The following ZNF778 variants were observed in gnomAD, a reference collection of about 807,000 sequenced individuals.
The protein encoded by ZNF778 is zinc finger protein 778.
In ZNF778, 37 loss-of-function variants were observed where a neutral mutation model predicts 23.9. The observed-to-expected ratio is 1.54, with a 90% CI of 1.19 to 2.03. ZNF778 has a LOEUF of 2.03. ZNF778 is among the 30% of genes most tolerant of loss of function. The pLI, the probability that ZNF778 is intolerant of heterozygous loss-of-function variation, is 0.00. For synonymous variants in ZNF778, 483 were observed against 343.9 expected (o/e 1.40, Z -4.48); for missense variants, 1,297 against 934.4 (o/e 1.39, Z -5.06).
Position 89,225,541 on chromosome 16 carries a change from TTC to T in ZNF778, c.329-12_329-11del. Reference sequence around the variant, plus strand: ...GAGTTTGATCGTTTTTAGGTCATTCTTCTTTCTTTTCAGAATGGCGACTTAAA... The same window carrying T: ...GAGTTTGATCGTTTTTAGGTCATTCTTTTCTTTTCAGAATGGCGACTTAAA... On this transcript the variant is annotated splice_polypyrimidine_tract_variant and intron_variant, in intron 5 of 6. Transcript: ENST00000433976. 6.2e-7 allele frequency: 1 copy of T among 1,604,182 alleles called. No homozygotes were observed. The highest frequency in any genetic ancestry group is 8.5e-7 in the Non-Finnish European group (1 of 1,174,158).
At chr16:89,221,756 C>G (rs1597347491) in intron 2 of ZNF778, among the ~76,000 whole-genome samples, 1 of 140,940 alleles carries the variant, frequency 7.1e-6, no homozygotes, top group South Asian at 2.3e-4. Flanking sequence ...TGCAAGAGTA[C>G]ATGGGAATTC....
Position 89,227,887 on chromosome 16 carries a change from T to C in ZNF778, c.1599T>C (p.Tyr533=). 1 of 1,613,932 alleles carries C rather than the reference T, an allele frequency of 6.2e-7. No homozygotes were observed. Among genetic ancestry groups the C allele is most frequent in the Non-Finnish European group, 8.5e-7 (1 of 1,179,946 alleles). ...GGACACACACCGGGGAGAAGCCCTATGAATGTAAGGACTGTGGGAAAGCCT... is the reference window on the plus strand; with the variant it reads ...GGACACACACCGGGGAGAAGCCCTACGAATGTAAGGACTGTGGGAAAGCCT... ...HMRTHTGEKP[Y]ECKDCGKAYN... is the part of the protein sequence containing the mutation. Residue 533 remains tyrosine (Y), a synonymous_variant, in exon 7 of 7, where the codon TAT becomes TAC. Transcript: ENST00000433976.
chr16:89,217,762 C>G lies in ZNF778; in HGVS notation c.-280C>G, dbSNP rs938336697. 1 of 152,230 alleles carries G rather than the reference C, an allele frequency of 6.6e-6. No individual in the cohort carries two copies. Among genetic ancestry groups the G allele is most frequent in the African/African-American group, 2.4e-5 (1 of 41,466 alleles). 9.4% of individuals were successfully genotyped at this position (152,230 alleles called of 1,614,324 possible). A position where few individuals can be genotyped will look rare whatever the true frequency, so the allele number is the denominator to read the frequency against. On this transcript the variant is annotated 5_prime_UTR_variant, in exon 1 of 7. Coordinates refer to ENST00000433976, the MANE Select transcript of ZNF778 (RefSeq NM_001201407.2). Reference sequence around the variant, plus strand: ...CGTGCTGGCGCCGGAGAGTTCCGCGCGTGTCCTCGGGCTGTCCGCGGGGAA... The same window carrying G: ...CGTGCTGGCGCCGGAGAGTTCCGCGGGTGTCCTCGGGCTGTCCGCGGGGAA...
rs1162550893 is a variant in ZNF778 at position 89,227,514 on chromosome 16, A to G, written c.1226A>G (p.Asn409Ser). Residue 409 changes from asparagine (N) to serine (S), a missense_variant, in exon 7 of 7, where the codon AAT becomes AGT. Physicochemically the swap from Asn to Ser is conservative, Grantham distance 46 (BLOSUM62 1). Transcript: ENST00000433976. ...TATTTTAGAAATTCCTCATGCCTTAATAATCATGTTCGAATTCACACTGGA... is the reference window on the plus strand; with the variant it reads ...TATTTTAGAAATTCCTCATGCCTTAGTAATCATGTTCGAATTCACACTGGA... ...GKYFRNSSCLNNHVRIHTGIK... is the reference protein window; with the variant it reads ...GKYFRNSSCLSNHVRIHTGIK... The G allele has an allele frequency of 6.2e-7, 1 of 1,613,892 alleles. No homozygotes were observed. The highest frequency in any genetic ancestry group is 1.3e-5 in the African/African-American group (1 of 74,878).
chr16:89,220,513 C>T (rs1162556676), intron 1 of ZNF778, among the ~76,000 whole-genome samples: 1 of 152,158 alleles, frequency 6.6e-6, no homozygotes, highest in Non-Finnish European at 1.5e-5. Flanking sequence ...AAAAAATTAG[C>T]TGGGTGTGGT....
intron 1 of ZNF778, among the ~76,000 whole-genome samples, chr16:89,220,076 TG>T (rs750550583): frequency 1.3e-5 from 2 of 152,246 alleles, no homozygotes; most frequent in African/African-American, 2.4e-5. Flanking sequence ...TCAGGTCCTC[TG>T]GGGATGATGT....
At chr16:89,222,868 G>A (rs909238816) in intron 3 of ZNF778, among the ~76,000 whole-genome samples, 4 of 151,842 alleles carry the variant, frequency 2.6e-5, no homozygotes, top group African/African-American at 9.7e-5. Context: ...AAGCTCACAT[G>A]TTAGAGGTGT....
chr16:89,228,876 C>T lies in ZNF778; in HGVS notation c.*314C>T, dbSNP rs2031740432. 3.8e-6 allele frequency: 4 copies of T among 1,057,500 alleles called. No homozygotes were observed. Among genetic ancestry groups the T allele is most frequent in the Non-Finnish European group, 4.6e-6 (4 of 876,904 alleles). 65.5% of individuals were successfully genotyped at this position (1,057,500 alleles called of 1,614,324 possible). A position where few individuals can be genotyped will look rare whatever the true frequency, so the allele number is the denominator to read the frequency against. ...CTTGTGATCTCACAATGAAGAAAAA[C>T]CTTAGGAGGGTGAGAATTGTTGGGA... is the stretch of plus-strand genomic sequence containing the variant. On this transcript the variant is annotated 3_prime_UTR_variant, in exon 7 of 7. Transcript: ENST00000433976.
rs1353755292 is a variant in ZNF778 at position 89,236,305 on chromosome 16, G to A, written c.*7743G>A. On this transcript the variant is annotated 3_prime_UTR_variant, in exon 7 of 7. Transcript: ENST00000433976. ...TTCCAGAAGAACAATTCAATTGACC[G>A]GGTTTCTCGTCGGAAGCCATAGAGG... 2 of 152,198 alleles carry A rather than the reference G, an allele frequency of 1.3e-5. No individual in the cohort carries two copies. The highest frequency in any genetic ancestry group is 4.1e-4 in the South Asian group (2 of 4,830). 9.4% of individuals were successfully genotyped at this position (152,198 alleles called of 1,614,324 possible).
At position 89,236,038 on chromosome 16, in the gene ZNF778, G is replaced by T. The variant is rs8044374; in HGVS notation, c.*7476G>T. On this transcript the variant is annotated 3_prime_UTR_variant, in exon 7 of 7. Coordinates refer to ENST00000433976, the MANE Select transcript of ZNF778 (RefSeq NM_001201407.2). ...GAAAAATACAAAAATTTAGTTGGGC[G>T]TGGTGGCGGGCGACTGCAGTCCCAG... is the stretch of plus-strand genomic sequence containing the variant. 1 of 151,538 alleles carries T rather than the reference G, an allele frequency of 6.6e-6. No homozygotes were observed. The highest frequency in any genetic ancestry group is 1.5e-5 in the Non-Finnish European group (1 of 68,032). The allele number at this position is 151,538 out of a possible 1,614,324, so 9.4% of individuals were successfully genotyped here. A position where few individuals can be genotyped will look rare whatever the true frequency, so the allele number is the denominator to read the frequency against.
In ZNF778 at chr16:89,227,323, C is replaced by T. The variant is rs200112538; in HGVS notation, c.1035C>T (p.Ala345=). The T allele has an allele frequency of 8.7e-6, 14 of 1,613,910 alleles. No individual in the cohort carries two copies. The highest frequency in any genetic ancestry group is 1.6e-4 in the Middle Eastern group (1 of 6,084). ...KPCECKECGK[A]FTGLSGLSKH... ...GTGAATGTAAAGAATGCGGAAAAGC[C>T]TTCACTGGACTCTCAGGTCTTTCTA... Residue 345 remains alanine, a synonymous_variant, in exon 7 of 7, where the codon GCC becomes GCT. Coordinates refer to ENST00000433976, the MANE Select transcript of ZNF778 (RefSeq NM_001201407.2).
chr16:89,227,149 G>A lies in ZNF778; in HGVS notation c.861G>A (p.Gly287=). 6.2e-7 allele frequency: 1 copy of A among 1,614,072 alleles called. No homozygotes were observed. Among genetic ancestry groups the A allele is most frequent in the South Asian group, 1.1e-5 (1 of 91,088 alleles). ...VRNPHVCREC[G]KAFRYTAYLT... is the part of the protein sequence containing the mutation. ...ATCCCCACGTATGTAGGGAATGTGG[G>A]AAGGCCTTTAGGTACACTGCCTACC... Residue 287 remains glycine (G), a synonymous_variant, in exon 7 of 7, where the codon GGG becomes GGA. Transcript: ENST00000433976.
Position 89,229,770 on chromosome 16 carries a change from G to C in ZNF778, c.*1208G>C, listed in dbSNP as rs555469517. The C allele has an allele frequency of 1.0e-6, 1 of 984,244 alleles. No homozygotes were observed. Among genetic ancestry groups the C allele is most frequent in the Admixed American group, 6.2e-5 (1 of 16,160 alleles). 61.0% of individuals were successfully genotyped at this position (984,244 alleles called of 1,614,324 possible). ...CTGGTTGGTTAGTCTTGAGGATCCA[G>C]ATGTGATTCTGTGAGCAGTGTAGGC... is the stretch of plus-strand genomic sequence containing the variant. On this transcript the variant is annotated 3_prime_UTR_variant, in exon 7 of 7. Coordinates refer to ENST00000433976, the MANE Select transcript of ZNF778 (RefSeq NM_001201407.2).
At position 89,227,866 on chromosome 16, in the gene ZNF778, A is replaced by G; in HGVS notation, c.1578A>G (p.Thr526=). Residue 526 remains threonine (T), a synonymous_variant, in exon 7 of 7, where the codon ACA becomes ACG. Transcript: ENST00000433976. ...GRSGLTKHMR[T]HTGEKPYECK... is the part of the protein sequence containing the mutation. ...CAGGCCTCACTAAACACATGCGGAC[A>G]CACACCGGGGAGAAGCCCTATGAAT... is the stretch of plus-strand genomic sequence containing the variant. The G allele has an allele frequency of 6.2e-7, 1 of 1,613,936 alleles. No individual in the cohort carries two copies. Among genetic ancestry groups the G allele is most frequent in the Admixed American group, 1.7e-5 (1 of 59,998 alleles).
At position 89,230,094 on chromosome 16, in the gene ZNF778, A is replaced by T; in HGVS notation, c.*1532A>T. ...TTGGTTAGTCATGCTCTTAGGCATG[A>T]CCCACCTGTAGGGTCCCACACTGGC... On this transcript the variant is annotated 3_prime_UTR_variant, in exon 7 of 7. Transcript: ENST00000433976. 1.1e-6 allele frequency: 1 copy of T among 927,064 alleles called. No homozygotes were observed. Among genetic ancestry groups the T allele is most frequent in the Non-Finnish European group, 1.3e-6 (1 of 777,540 alleles). 57.4% of individuals were successfully genotyped at this position (927,064 alleles called of 1,614,324 possible).
intron 6 of ZNF778, among the ~76,000 whole-genome samples, chr16:89,226,394 G>A (rs748048651): frequency 6.6e-5 from 10 of 152,170 alleles, no homozygotes; most frequent in East Asian, 1.9e-4. Context: ...TAATAGAGAC[G>A]GGGTTTCTCC....
In ZNF778 at chr16:89,229,105, C is replaced by T; in HGVS notation, c.*543C>T. The stretch of plus-strand genomic sequence containing the variant: ...GCACTGATCATTCTTGGAGTGAGGA[C>T]TCTGTTCCCTGTAGAAATCCTCCAG... On this transcript the variant is annotated 3_prime_UTR_variant, in exon 7 of 7. Coordinates refer to ENST00000433976, the MANE Select transcript of ZNF778 (RefSeq NM_001201407.2). 2 of 986,188 alleles carry T rather than the reference C, an allele frequency of 2.0e-6. No individual in the cohort carries two copies. Among genetic ancestry groups the T allele is most frequent in the Non-Finnish European group, 2.4e-6 (2 of 830,502 alleles). 61.1% of individuals were successfully genotyped at this position (986,188 alleles called of 1,614,324 possible).
intron 6 of ZNF778, among the ~76,000 whole-genome samples, chr16:89,225,916 C>CTTTT (rs11400876): frequency 2.7e-5 from 4 of 145,462 alleles, no homozygotes; most frequent in African/African-American, 7.5e-5. Flanking sequence ...GTGCAGGATT[C>CTTTT]TTTTTTTTTT....
chr16:89,229,081 C>T lies in ZNF778; in HGVS notation c.*519C>T. On this transcript the variant is annotated 3_prime_UTR_variant, in exon 7 of 7. Transcript: ENST00000433976. The stretch of plus-strand genomic sequence containing the variant: ...CGTATTTTGAATCTTTATGATGCTG[C>T]ACTGATCATTCTTGGAGTGAGGACT... 1.0e-6 allele frequency: 1 copy of T among 988,804 alleles called. No individual in the cohort carries two copies. Among genetic ancestry groups the T allele is most frequent in the Non-Finnish European group, 1.2e-6 (1 of 832,280 alleles). The allele number at this position is 988,804 out of a possible 1,614,324, so 61.3% of individuals were successfully genotyped here. A position where few individuals can be genotyped will look rare whatever the true frequency, so the allele number is the denominator to read the frequency against.
Sources: allele counts gnomAD v4.1 joint callset (sites outside exome capture counted in the v4.1 genomes callset), GRCh38; gene constraint gnomAD v4.1.1; transcripts MANE v1.5; gene names NCBI Gene and HGNC (gene_info 2026-07-23, HGNC 2026-07-21).